The following RRM1 variants were observed in gnomAD, a reference collection of about 807,000 sequenced individuals.
RRM1 encodes ribonucleoside-diphosphate reductase large subunit.
In RRM1, 19 loss-of-function variants were observed where a neutral mutation model predicts 101.5. The ratio of observed to expected loss-of-function variants is 0.19; its 90% CI spans 0.13 to 0.27. The LOEUF (loss-of-function observed/expected upper bound fraction) is 0.27. Among genes scored for constraint, RRM1 ranks in the 10% least tolerant of loss-of-function variants. RRM1 has a pLI of 1.00. For synonymous variants in RRM1, 298 were observed against 323.4 expected (o/e 0.92, Z 0.84); for missense variants, 500 against 962.9 (o/e 0.52, Z 6.36).
rs1177282969 is a variant in RRM1, at chr11:4,122,216, G to T, written c.1114G>T (p.Ala372Ser). Residue 372 changes from alanine to serine, a missense_variant, in exon 11 of 19, where the codon GCA (alanine) becomes TCA (serine). Ala to Ser is a moderately conservative substitution (Grantham distance 99). This residue lies in a region of RRM1 where 80 missense variants were observed against 170.9 expected (regional missense o/e 0.47). Transcript: ENST00000300738. ...GGGAGAGGAATTTGAGAAACTATAT[G>T]CAAGGTATGGGAAAAATATGAAAGA... ...VWGEEFEKLYASYEKQGRVRK... is the reference protein window; with the variant it reads ...VWGEEFEKLYSSYEKQGRVRK... 6.2e-7 allele frequency: 1 copy of T among 1,600,712 alleles called. No individual in the cohort carries two copies. Among genetic ancestry groups the T allele is most frequent in the Non-Finnish European group, 8.6e-7 (1 of 1,168,360 alleles).
chr11:4,099,744 A>G (rs1302731660), intron 1 of RRM1, among the ~76,000 whole-genome samples: 1 of 152,202 alleles, frequency 6.6e-6, no homozygotes, highest in Non-Finnish European at 1.5e-5. Flanking sequence ...GATAAAATCA[A>G]CATCTGGCTT....
chr11:4,123,778 A>C (rs1429012001), intron 12 of RRM1, among the ~76,000 whole-genome samples: 2 of 152,208 alleles, frequency 1.3e-5, no homozygotes, highest in African/African-American at 4.8e-5. Flanking sequence ...ACTGTACTCC[A>C]TCCTGGGCGA....
intron 2 of RRM1, among the ~76,000 whole-genome samples, chr11:4,104,068 G>A (rs1424753263): frequency 1.3e-5 from 2 of 151,842 alleles, no homozygotes; most frequent in African/African-American, 2.4e-5. Context: ...CTGAGATTGT[G>A]CCACTGTACT....
At chr11:4,120,368 TTTTC>T (rs1252254842) in intron 9 of RRM1, among the ~76,000 whole-genome samples, 1 of 152,064 alleles carries the variant, frequency 6.6e-6, no homozygotes, top group Non-Finnish European at 1.5e-5. Flanking sequence ...TGCTCTAGGT[TTTTC>T]TTTCGTTTTT....
intron 7 of RRM1, among the ~76,000 whole-genome samples, chr11:4,115,854 G>T (rs940391610): frequency 2.0e-5 from 3 of 152,118 alleles, no homozygotes; most frequent in Non-Finnish European, 2.9e-5. Context: ...ACTGCGCCTG[G>T]CCCTACTTCC....
chr11:4,118,896 A>G (rs905783667), intron 8 of RRM1, among the ~76,000 whole-genome samples: 1 of 152,234 alleles, frequency 6.6e-6, no homozygotes, highest in Non-Finnish European at 1.5e-5. Context: ...GTCTAATTTT[A>G]CAAGTGAGGA....
intron 2 of RRM1, among the ~76,000 whole-genome samples, chr11:4,102,651 C>CAAA (rs780209887): frequency 1.2e-5 from 1 of 82,108 alleles, no homozygotes; most frequent in Non-Finnish European, 2.6e-5. Flanking sequence ...GACTCCCTCT[C>CAAA]AAAAAAAAAA....
chr11:4,111,227 G>A (rs953787759), intron 5 of RRM1, among the ~76,000 whole-genome samples: 1 of 151,456 alleles, frequency 6.6e-6, no homozygotes, highest in African/African-American at 2.4e-5. Context: ...CTAACATGAC[G>A]AAACCCTGTC....
At chr11:4,121,895 AAG>A in intron 10 of RRM1, 130 bp downstream of exon 10, 1 of 857,904 alleles carries the variant, frequency 1.2e-6, no homozygotes, top group East Asian at 2.5e-5. Flanking sequence ...TGAACAAGTT[AAG>A]AGATGCCGTG....
chr11:4,123,237 T>C lies in RRM1; in HGVS notation c.1173T>C (p.Tyr391=), dbSNP rs1157043142. The change falls in exon 12 of 19, where the codon TAT becomes TAC. Residue 391 remains tyrosine, a synonymous_variant. Transcript: ENST00000300738. The part of the protein sequence containing the change: ...RKVVKAQQLW[Y]AIIESQTETG... ...TTGTAAAAGCTCAGCAGCTTTGGTA[T>C]GCCATCATTGAGTCTCAGACGGAAA... 6 of 1,614,142 alleles carry C rather than the reference T, an allele frequency of 3.7e-6. No individual in the cohort carries two copies. The highest frequency in any genetic ancestry group is 3.4e-6 in the Non-Finnish European group (4 of 1,180,010).
At chr11:4,126,856 A>T in intron 13 of RRM1, 23 bp downstream of exon 13, 1 of 1,559,530 alleles carries the variant, frequency 6.4e-7, no homozygotes, top group Non-Finnish European at 8.8e-7. Flanking sequence ...TTCTCTGCTT[A>T]TTGGTAATTA....
In RRM1 at chr11:4,127,095, G is replaced by A. The variant is rs1219317632; in HGVS notation, c.1531G>A (p.Ala511Thr). The A allele has an allele frequency of 9.9e-6, 16 of 1,614,002 alleles. No individual in the cohort carries two copies. Among genetic ancestry groups the A allele is most frequent in the Non-Finnish European group, 1.4e-5 (16 of 1,180,012 alleles). Reference sequence around the variant, plus strand: ...AATTGGGGTACAAGGTCTGGCAGATGCTTTTATCCTGATGAGATACCCTTT... The same window carrying A: ...AATTGGGGTACAAGGTCTGGCAGATACTTTTATCCTGATGAGATACCCTTT... ...IGIGVQGLAD[A>T]FILMRYPFES... The change falls in exon 14 of 19, where the codon GCT becomes ACT. Residue 511 changes from alanine to threonine, a missense_variant. This residue lies in a region of RRM1 where 106 missense variants were observed against 138.1 expected (regional missense o/e 0.77). Coordinates refer to ENST00000300738, the MANE Select transcript of RRM1 (RefSeq NM_001033.5).
At chr11:4,102,359 A>G (rs972697511) in intron 2 of RRM1, among the ~76,000 whole-genome samples, 3 of 152,182 alleles carry the variant, frequency 2.0e-5, no homozygotes, top group Non-Finnish European at 2.9e-5. Flanking sequence ...TGTTTTATTC[A>G]TTAGTGGAAA....
chr11:4,107,181 C>T (rs1043227756), intron 3 of RRM1, among the ~76,000 whole-genome samples: 28 of 152,216 alleles, frequency 1.8e-4, no homozygotes, highest in African/African-American at 6.3e-4. Context: ...CGTGAGCCAC[C>T]GCGCCCGGCC....
In RRM1 at chr11:4,132,476, G is replaced by C; in HGVS notation, c.1905+55G>C. 1 of 1,591,204 alleles carries C rather than the reference G, an allele frequency of 6.3e-7. No homozygotes were observed. Among genetic ancestry groups the C allele is most frequent in the Non-Finnish European group, 8.6e-7 (1 of 1,163,770 alleles). Reference sequence around the variant, plus strand: ...AGATCTTTCAAAAGCCTGATGTTGGGAGTAAATGCTCACTCATGTTTAATT... The same window carrying C: ...AGATCTTTCAAAAGCCTGATGTTGGCAGTAAATGCTCACTCATGTTTAATT... On this transcript the variant is annotated intron_variant, in intron 16 of 18. Coordinates refer to ENST00000300738, the MANE Select transcript of RRM1 (RefSeq NM_001033.5). The surrounding 1 kb of genome is among the most constrained non-coding windows in gnomAD (Gnocchi z 4.1).
At chr11:4,120,707 C>T (rs965332066) in intron 9 of RRM1, among the ~76,000 whole-genome samples, 3 of 152,192 alleles carry the variant, frequency 2.0e-5, no homozygotes, top group Non-Finnish European at 4.4e-5. Context: ...CCTGGAATAA[C>T]AAAACTCTCC....
At chr11:4,099,110 G>A (rs2094547329) in intron 1 of RRM1, among the ~76,000 whole-genome samples, 3 of 152,028 alleles carry the variant, frequency 2.0e-5, no homozygotes, top group African/African-American at 7.2e-5. Context: ...TAGCCAAGAG[G>A]AAATCACACT....
chr11:4,116,567 G>A (rs2094573736), intron 7 of RRM1, among the ~76,000 whole-genome samples: 1 of 152,106 alleles, frequency 6.6e-6, no homozygotes, highest in Non-Finnish European at 1.5e-5. Flanking sequence ...ACTGCAGCCT[G>A]GGCAAAAGAG....
rs1357817975 is a variant in RRM1, at chr11:4,126,743, A to C, written c.1380A>C (p.Thr460=). Residue 460 remains threonine, a synonymous_variant, in exon 13 of 19, where the codon ACA becomes ACC. Transcript: ENST00000300738. ...ATATGTATGTCACATCAGAACACAC[A>C]TACGACTTTAAGAAGTTGGCTGAAG... ...ALNMYVTSEH[T]YDFKKLAEVT... 6.2e-7 allele frequency: 1 copy of C among 1,613,930 alleles called. No homozygotes were observed. The highest frequency in any genetic ancestry group is 8.5e-7 in the Non-Finnish European group (1 of 1,179,930).
Sources: gnomAD v4.1 joint callset for allele counts (sites outside exome capture counted in the v4.1 genomes callset) on GRCh38, gnomAD v4.1.1 for gene constraint, gnomAD v4.1.1 regional missense constraint, Gnocchi (gnomAD v3.1) non-coding constraint, MANE v1.5 for transcripts, NCBI Gene and HGNC (gene_info 2026-07-23, HGNC 2026-07-21) for gene names.